Variants in IGSF21 observed in about 807,000 individuals in gnomAD.
IGSF21 encodes the protein immunoglobin superfamily member 21, also known as immunoglobulin superfamily member 21.
A neutral mutation model predicts 46.8 loss-of-function variants in IGSF21; 28 were observed. That is an observed-to-expected ratio of 0.60 (90% CI 0.44 to 0.82). The LOEUF (loss-of-function observed/expected upper bound fraction) is 0.82, where lower values mean the gene tolerates loss of function less well. IGSF21 is among the 40% of genes least tolerant of loss of function. The probability of loss-of-function intolerance (pLI) is 0.00; values close to 1 mark genes in which losing one functional copy is unlikely to be tolerated. For missense variants in IGSF21, 624 were observed against 665.5 expected (o/e 0.94, Z 0.69); for synonymous variants, 284 against 273.6 (o/e 1.04, Z -0.38).
intron 5 of IGSF21, among the ~76,000 whole-genome samples, chr1:18,363,685 G>A (rs1194472527): frequency 1.3e-5 from 2 of 151,932 alleles, no homozygotes; most frequent in Non-Finnish European, 2.9e-5. Flanking sequence ...AGAAGCACAG[G>A]TGGGGCAGTG....
intron 5 of IGSF21, among the ~76,000 whole-genome samples, chr1:18,363,298 G>T (rs2086122838): frequency 1.3e-5 from 2 of 152,198 alleles, no homozygotes; most frequent in Admixed American, 1.3e-4. Context: ...GAGCCAAATG[G>T]TTCCCCTCAT....
At chr1:18,177,426 T>TGC (rs2086812944) in intron 1 of IGSF21, among the ~76,000 whole-genome samples, 1 of 35,254 alleles carries the variant, frequency 2.8e-5, no homozygotes. Flanking sequence ...TGTGTGTGTG[T>TGC]GTGTGTGTGT....
At chr1:18,332,862 C>T (rs1050692408) in intron 3 of IGSF21, among the ~76,000 whole-genome samples, 2 of 152,034 alleles carry the variant, frequency 1.3e-5, no homozygotes, top group African/African-American at 2.4e-5. Context: ...CTCACTAAGA[C>T]GACAGTGATG....
chr1:18,162,821 C>G (rs910084118), intron 1 of IGSF21, among the ~76,000 whole-genome samples: 2 of 152,050 alleles, frequency 1.3e-5, no homozygotes, highest in Non-Finnish European at 1.5e-5. Flanking sequence ...GATATGAGAC[C>G]GTATTCACCC....
At chr1:18,244,585 C>G (rs1396411054) in intron 2 of IGSF21, among the ~76,000 whole-genome samples, 1 of 152,188 alleles carries the variant, frequency 6.6e-6, no homozygotes, top group African/African-American at 2.4e-5. Context: ...CTGTGCCATA[C>G]GTAGAGCCTG....
At chr1:18,154,457 T>C (rs2124437012) in intron 1 of IGSF21, among the ~76,000 whole-genome samples, 1 of 152,264 alleles carries the variant, frequency 6.6e-6, no homozygotes, top group African/African-American at 2.4e-5. Flanking sequence ...CTCAGTCTTC[T>C]TGGCTCACGG....
chr1:18,253,745 T>C (rs1211710912), intron 2 of IGSF21, among the ~76,000 whole-genome samples: 2 of 152,198 alleles, frequency 1.3e-5, no homozygotes, highest in Admixed American at 6.5e-5. Context: ...CTGCTTCCTC[T>C]GACAGGAACA....
chr1:18,194,094 A>G (rs1229507814), intron 1 of IGSF21, among the ~76,000 whole-genome samples: 2 of 152,142 alleles, frequency 1.3e-5, no homozygotes. Flanking sequence ...AATTTAGGAT[A>G]ATAGGAATTT....
At chr1:18,263,468 G>A (rs895068233) in intron 2 of IGSF21, among the ~76,000 whole-genome samples, 2 of 151,934 alleles carry the variant, frequency 1.3e-5, no homozygotes, top group Non-Finnish European at 2.9e-5. Flanking sequence ...TGAGTTTCAG[G>A]TTCATTTTTG....
intron 3 of IGSF21, among the ~76,000 whole-genome samples, chr1:18,310,115 G>T (rs1257819966): frequency 6.6e-6 from 1 of 152,188 alleles, no homozygotes; most frequent in Non-Finnish European, 1.5e-5. Context: ...GCCTCATGAA[G>T]GCTGACAGAA....
chr1:18,374,526 C>T (rs1021076246), intron 6 of IGSF21, among the ~76,000 whole-genome samples: 3 of 151,804 alleles, frequency 2.0e-5, no homozygotes, highest in Admixed American at 2.0e-4. Context: ...GGCCAGTGGC[C>T]CTTCCACACG....
chr1:18,175,903 G>A (rs1457556626), intron 1 of IGSF21, among the ~76,000 whole-genome samples: 2 of 152,224 alleles, frequency 1.3e-5, no homozygotes, highest in Admixed American at 1.3e-4. Flanking sequence ...TTGGAGGAGA[G>A]GGCAGTGCCT....
At chr1:18,359,374 GA>G in intron 4 of IGSF21, among the ~76,000 whole-genome samples, 1 of 102,522 alleles carries the variant, frequency 9.8e-6, no homozygotes, top group African/African-American at 4.0e-5. Flanking sequence ...AAGAAAGAAA[GA>G]AAGAAAGAAA....
intron 2 of IGSF21, among the ~76,000 whole-genome samples, chr1:18,277,802 T>C (rs563230609): frequency 1.6e-4 from 25 of 152,188 alleles, no homozygotes; most frequent in Admixed American, 2.6e-4. Context: ...AATTCGTTGA[T>C]ACGAAATTCT....
chr1:18,183,581 A>G (rs973584792), intron 1 of IGSF21, among the ~76,000 whole-genome samples: 4 of 150,676 alleles, frequency 2.7e-5, no homozygotes, highest in African/African-American at 9.7e-5. Context: ...CGTAACAGCC[A>G]TCGCTGTGTA....
chr1:18,329,912 C>T lies in IGSF21; in HGVS notation c.306-4980C>T, dbSNP rs141696286. On this transcript the variant is annotated intron_variant, in intron 3 of 9. Transcript: ENST00000251296. ...TGCAGGTCACGGGGCATGCAGCATC[C>T]GCCCTCGCTGTGCCTGGCTTTTCAA... Among the ~76,000 whole-genome samples the T allele has an allele frequency of 3.0e-3, 459 of 152,342 alleles. 1 individual carries two copies. Among genetic ancestry groups the T allele is most frequent in the Middle Eastern group, 0.014 (4 of 294 alleles).
At chr1:18,291,099 C>T (rs960473134) in intron 2 of IGSF21, among the ~76,000 whole-genome samples, 1 of 152,338 alleles carries the variant, frequency 6.6e-6, no homozygotes, top group African/African-American at 2.4e-5. Flanking sequence ...GGAGGCAGCG[C>T]AGATGTGGGG....
At chr1:18,271,890 G>A (rs2085046245) in intron 2 of IGSF21, among the ~76,000 whole-genome samples, 1 of 152,170 alleles carries the variant, frequency 6.6e-6, no homozygotes, top group African/African-American at 2.4e-5. Context: ...ATGGAGTGTG[G>A]CTCGTGATGG....
intron 1 of IGSF21, among the ~76,000 whole-genome samples, chr1:18,214,045 T>A (rs917691566): frequency 6.6e-6 from 1 of 152,126 alleles, no homozygotes; most frequent in Non-Finnish European, 1.5e-5. Context: ...AGAACAGCCT[T>A]CCCAAGTCTT....
Sources: gnomAD v4.1 joint callset for allele counts (sites outside exome capture counted in the v4.1 genomes callset) on GRCh38, gnomAD v4.1.1 for gene constraint, MANE v1.5 for transcripts, NCBI Gene and HGNC (gene_info 2026-07-23, HGNC 2026-07-21) for gene names.